The following RCHY1 variants were observed in gnomAD, a reference collection of about 807,000 sequenced individuals.
RCHY1 encodes the protein RING finger and CHY zinc finger domain-containing protein 1.
RCHY1 carries 21 observed loss-of-function variants against 41.6 expected under a neutral mutation model. That is an observed-to-expected ratio of 0.51 (90% CI 0.36 to 0.73). The LOEUF is 0.73. Ranked by LOEUF, RCHY1 falls within the 30% of genes least tolerant of loss-of-function variation. The probability of loss-of-function intolerance (pLI) is 0.00; values close to 1 mark genes in which losing one functional copy is unlikely to be tolerated. For synonymous variants in RCHY1, 79 were observed against 102.9 expected, an observed-to-expected ratio of 0.77 and a Z score of 1.41; for missense variants, 265 against 325.3, an observed-to-expected ratio of 0.81 and a Z score of 1.43.
intron 7 of RCHY1, 108 bp downstream of exon 7, chr4:75,491,503 T>C (rs1175616705): frequency 1.1e-5 from 10 of 944,662 alleles, no homozygotes; most frequent in Non-Finnish European, 1.6e-5. Context: ...AATATAAATA[T>C]TGCCATGCCC....
chr4:75,512,692 T>A (rs1257592553), intron 1 of RCHY1, among the ~76,000 whole-genome samples: 1 of 152,036 alleles, frequency 6.6e-6, no homozygotes, highest in Admixed American at 6.6e-5. Flanking sequence ...GAATACCCTA[T>A]AAGTGCTATT....
chr4:75,486,520 C>T (rs1332339778), intron 8 of RCHY1, among the ~76,000 whole-genome samples: 1 of 151,856 alleles, frequency 6.6e-6, no homozygotes, highest in Non-Finnish European at 1.5e-5. Context: ...TGGCTTCCAT[C>T]TATAAATACT....
At chr4:75,499,518 C>T (rs1469507766) in intron 3 of RCHY1, among the ~76,000 whole-genome samples, 2 of 152,162 alleles carry the variant, frequency 1.3e-5, no homozygotes, top group African/African-American at 2.4e-5. Context: ...TGGAAGCAAC[C>T]TTAGTGTCCA....
At position 75,482,509 on chromosome 4, in the gene RCHY1, G is replaced by T; in HGVS notation, c.*29C>A. 5 of 1,551,624 alleles carry T rather than the reference G, an allele frequency of 3.2e-6. No individual in the cohort carries two copies. The highest frequency in any genetic ancestry group is 3.5e-6 in the Non-Finnish European group (4 of 1,149,354). ...AAAGCCTTTTTCTATATCAGAAAAT[G>T]CCAAGTTCTCCAGTACTGTGTAGGC... On this transcript the variant is annotated 3_prime_UTR_variant, in exon 9 of 9. Coordinates refer to ENST00000324439, the MANE Select transcript of RCHY1 (RefSeq NM_015436.4).
intron 8 of RCHY1, among the ~76,000 whole-genome samples, chr4:75,485,210 T>C (rs1351094): frequency 0.26 from 39,260 of 152,170 alleles, 5,439 homozygotes; most frequent in African/African-American, 0.35. Context: ...TTCTGTTTAA[T>C]TTCTGAGTAA....
chr4:75,514,456 G>T, upstream of RCHY1: 1 of 697,710 alleles, frequency 1.4e-6, no homozygotes, highest in Non-Finnish European at 2.3e-6. Flanking sequence ...CCGGGGCTAC[G>T]AGGCGGAAGC....
At chr4:75,494,235 T>C (rs746970435) in intron 3 of RCHY1, 56 bp from the exon 4 acceptor site, 12 of 1,220,520 alleles carry the variant, frequency 9.8e-6, no homozygotes, top group Non-Finnish European at 1.3e-5. Context: ...CAGTCATGAT[T>C]TGTTCATTAT....
upstream of RCHY1, chr4:75,514,512 C>G (rs927790095): frequency 1.9e-6 from 1 of 516,422 alleles, no homozygotes; most frequent in East Asian, 2.9e-5. Context: ...GCAGTCTTCG[C>G]TGCTAACGGT....
chr4:75,509,378 C>T, intron 1 of RCHY1, 82 bp from the exon 2 acceptor site: 3 of 1,343,916 alleles, frequency 2.2e-6, no homozygotes, highest in East Asian at 4.9e-5. Context: ...TTTCTTCCTC[C>T]TCCTCCTGGA....
chr4:75,494,309 T>C, intron 3 of RCHY1, 130 bp from the exon 4 acceptor site: 1 of 646,146 alleles, frequency 1.5e-6, no homozygotes, highest in Non-Finnish European at 2.7e-6. Flanking sequence ...ATGGGATAAA[T>C]CCCTATCTCC....
intron 3 of RCHY1, 40 bp from the exon 4 acceptor site, chr4:75,494,219 T>C: frequency 1.5e-6 from 2 of 1,343,610 alleles, no homozygotes; most frequent in Non-Finnish European, 2.1e-6. Flanking sequence ...AGATTATTTT[T>C]TACTACAGTC....
chr4:75,512,811 G>C (rs950367661), intron 1 of RCHY1, among the ~76,000 whole-genome samples: 2 of 146,704 alleles, frequency 1.4e-5, no homozygotes, highest in Non-Finnish European at 3.0e-5. Flanking sequence ...CAAATCCAAA[G>C]GGCAATTCTC....
intron 8 of RCHY1, among the ~76,000 whole-genome samples, chr4:75,486,169 G>A (rs1315423229): frequency 6.6e-6 from 1 of 152,088 alleles, no homozygotes; most frequent in Non-Finnish European, 1.5e-5. Context: ...CTCTGTAAGT[G>A]GTACGTAAAT....
chr4:75,494,882 T>A (rs1468185343), intron 3 of RCHY1, among the ~76,000 whole-genome samples: 1 of 151,942 alleles, frequency 6.6e-6, no homozygotes, highest in Non-Finnish European at 1.5e-5. Flanking sequence ...AAACAAAAGA[T>A]GTCATTTTAA....
At chr4:75,488,842 C>T (rs987659615) in intron 8 of RCHY1, among the ~76,000 whole-genome samples, 19 of 151,978 alleles carry the variant, frequency 1.3e-4, no homozygotes, top group Admixed American at 6.6e-5. Flanking sequence ...TTTGGGAGAC[C>T]GAGGCGGGTG....
chr4:75,498,962 T>G (rs1159057051), intron 3 of RCHY1, among the ~76,000 whole-genome samples: 1 of 152,120 alleles, frequency 6.6e-6, no homozygotes, highest in East Asian at 1.9e-4. Flanking sequence ...AAAAAGCTTC[T>G]GCACAGCACA....
chr4:75,501,212 T>C (rs2148753710), intron 3 of RCHY1, among the ~76,000 whole-genome samples: 1 of 152,344 alleles, frequency 6.6e-6, no homozygotes, highest in East Asian at 1.9e-4. Context: ...TTTCTCCATG[T>C]TGGTCAGGCT....
chr4:75,501,807 G>A (rs577897988), intron 3 of RCHY1, among the ~76,000 whole-genome samples: 5 of 152,112 alleles, frequency 3.3e-5, no homozygotes, highest in Non-Finnish European at 7.4e-5. Context: ...GGCTCAGTGC[G>A]GTGGCTCACG....
At chr4:75,512,987 T>C (rs545638306) in intron 1 of RCHY1, among the ~76,000 whole-genome samples, 89 of 140,076 alleles carry the variant, frequency 6.4e-4, no homozygotes, top group Non-Finnish European at 1.1e-3. Context: ...GATCTAATTG[T>C]GTGGTTTATG....
Sources: gnomAD v4.1 joint callset for allele counts (sites outside exome capture counted in the v4.1 genomes callset) on GRCh38, gnomAD v4.1.1 for gene constraint, MANE v1.5 for transcripts, NCBI Gene and HGNC (gene_info 2026-07-23, HGNC 2026-07-21) for gene names.